Variants in GRIP1 observed in about 807,000 individuals in gnomAD.
The protein encoded by GRIP1 is glutamate receptor interacting protein 1.
In GRIP1, 45 loss-of-function variants were observed where a neutral mutation model predicts 129.9. The observed-to-expected ratio is 0.35, with a 90% CI of 0.27 to 0.44. GRIP1 has a LOEUF of 0.44. Among genes scored for constraint, GRIP1 ranks in the 20% least tolerant of loss-of-function variants. The probability of loss-of-function intolerance (pLI) is 1.00; values close to 1 mark genes in which losing one functional copy is unlikely to be tolerated. For synonymous variants in GRIP1, 530 were observed against 520.8 expected (o/e 1.02, Z -0.24); for missense variants, 1,196 against 1,396.8 (o/e 0.86, Z 2.29).
intron 1 of GRIP1, among the ~76,000 whole-genome samples, chr12:66,618,802 A>T (rs73325159): frequency 0.013 from 1,962 of 152,230 alleles, 50 homozygotes; most frequent in African/African-American, 0.045. Context: ...ATTAAAGCTT[A>T]TTGGATGGAG....
At chr12:66,617,286 GAAA>G (rs63275262) in intron 1 of GRIP1, among the ~76,000 whole-genome samples, 1,170 of 103,996 alleles carry the variant, frequency 0.011, 12 homozygotes, top group African/African-American at 0.029. Context: ...CAGCCAACAA[GAAA>G]AAAAAAAAAA....
At position 66,678,954 on chromosome 12, in the gene GRIP1, G is replaced by C. The variant is rs765138063; in HGVS notation, c.-50C>G. The C allele has an allele frequency of 3.1e-6, 5 of 1,611,942 alleles. No homozygotes were observed. Among genetic ancestry groups the C allele is most frequent in the Non-Finnish European group, 4.2e-6 (5 of 1,178,748 alleles). On this transcript the variant is annotated 5_prime_UTR_variant, in exon 1 of 25. Transcript: ENST00000359742. ...AAGTGTACTCAAGGCTCTCTGCTCT[G>C]GTGGCTGCAGCAGCAGCAGCATATG...
Position 66,406,319 on chromosome 12 carries a change from C to A in GRIP1, c.1948G>T (p.Val650Leu). 1.2e-6 allele frequency: 2 copies of A among 1,614,074 alleles called. No homozygotes were observed. The highest frequency in any genetic ancestry group is 1.7e-6 in the Non-Finnish European group (2 of 1,179,946). Residue 650 changes from valine to leucine, a missense_variant, in exon 16 of 25, where the codon GTG becomes TTG. Physicochemically the swap from Val to Leu is conservative, Grantham distance 32. Transcript: ENST00000359742. ...TCATCTTTGCGGATTTTGAGCTTCA[C>A]CAGGTCTTCACATTGCTGGAGGATC... ...VQILQQCEDLVKLKIRKDEDN... is the reference protein window; with the variant it reads ...VQILQQCEDLLKLKIRKDEDN...
Position 66,820,165 on chromosome 12 carries a change from C to T in GRIP1, c.59-223238G>A, listed in dbSNP as rs112419214. ...GTGGCTCACGCCTGTAATCCCAGCACTTTGGAAGGCCGAGGTGGGCATATC... is the reference window on the plus strand; with the variant it reads ...GTGGCTCACGCCTGTAATCCCAGCATTTTGGAAGGCCGAGGTGGGCATATC... On this transcript the variant is annotated intron_variant, in intron 1 of 1. Coordinates refer to the GRIP1 transcript ENST00000643019. Among the ~76,000 whole-genome samples, 1,261 of 152,276 alleles carry T rather than the reference C, an allele frequency of 8.3e-3. 16 individuals carry two copies. Among genetic ancestry groups the T allele is most frequent in the African/African-American group, 0.029 (1,195 of 41,554 alleles).
At chr12:66,585,944 T>G (rs950681372) in intron 2 of GRIP1, among the ~76,000 whole-genome samples, 2 of 152,234 alleles carry the variant, frequency 1.3e-5, no homozygotes, top group Non-Finnish European at 2.9e-5. Flanking sequence ...AGACTGCTTT[T>G]GCTTTTATCC....
chr12:66,404,256 C>A (rs1396299280), intron 16 of GRIP1, among the ~76,000 whole-genome samples: 1 of 152,112 alleles, frequency 6.6e-6, no homozygotes, highest in Non-Finnish European at 1.5e-5. Context: ...ATGGATGCAA[C>A]TATAGATTTT....
chr12:67,054,163 C>G (rs1184977294), intron 1 of GRIP1, among the ~76,000 whole-genome samples: 1 of 152,172 alleles, frequency 6.6e-6, no homozygotes, highest in Non-Finnish European at 1.5e-5. Flanking sequence ...GCTTAAAGCT[C>G]AAATGTAAAC....
chr12:66,804,148 C>T, exon 1 of GRIP1: 1 of 455,906 alleles, frequency 2.2e-6, no homozygotes, highest in South Asian at 1.5e-5. Context: ...TCTCCTAGAT[C>T]TTCTTATCGC....
At chr12:66,491,496 G>T (rs1205209710) in intron 7 of GRIP1, among the ~76,000 whole-genome samples, 1 of 152,162 alleles carries the variant, frequency 6.6e-6, no homozygotes, top group Non-Finnish European at 1.5e-5. Context: ...GAGAGCATCA[G>T]AAAGAATAGC....
At chr12:66,882,100 A>C (rs995230353) in intron 1 of GRIP1, among the ~76,000 whole-genome samples, 18 of 151,660 alleles carry the variant, frequency 1.2e-4, no homozygotes, top group Non-Finnish European at 2.2e-4. Flanking sequence ...GGCTTCTATC[A>C]CATGAATAGG....
intron 5 of GRIP1, among the ~76,000 whole-genome samples, chr12:66,518,941 C>T (rs2060923238): frequency 6.6e-6 from 1 of 152,072 alleles, no homozygotes; most frequent in Admixed American, 6.6e-5. Flanking sequence ...TGCCAGTTTC[C>T]TTATCTATTC....
intron 1 of GRIP1, among the ~76,000 whole-genome samples, chr12:66,891,339 G>A (rs149981979): frequency 1.1e-4 from 17 of 152,256 alleles, no homozygotes; most frequent in East Asian, 5.8e-4. Flanking sequence ...CAAGTTTTGC[G>A]TATCAAGAAC....
chr12:66,933,872 T>C (rs1156736584), intron 1 of GRIP1, among the ~76,000 whole-genome samples: 4 of 152,202 alleles, frequency 2.6e-5, no homozygotes, highest in Non-Finnish European at 5.9e-5. Flanking sequence ...ATTTACATAA[T>C]AGTACTCAGG....
chr12:66,815,756 C>G (rs1285114479), intron 1 of GRIP1, among the ~76,000 whole-genome samples: 3 of 148,542 alleles, frequency 2.0e-5, no homozygotes, highest in African/African-American at 7.3e-5. Flanking sequence ...AGAATAAGAC[C>G]CCGACTCAAA....
intron 1 of GRIP1, among the ~76,000 whole-genome samples, chr12:66,756,454 C>T (rs2037290095): frequency 6.6e-6 from 1 of 152,198 alleles, no homozygotes; most frequent in Admixed American, 6.5e-5. Context: ...CGCAGTGAAC[C>T]TGTCTCCTGA....
chr12:66,577,699 C>T (rs2063189500), intron 2 of GRIP1, among the ~76,000 whole-genome samples: 1 of 152,108 alleles, frequency 6.6e-6, no homozygotes, highest in Non-Finnish European at 1.5e-5. Context: ...CCTGTAATTC[C>T]AGTACTTTGG....
intron 4 of GRIP1, among the ~76,000 whole-genome samples, chr12:66,536,100 A>T (rs1025499777): frequency 6.6e-6 from 1 of 152,072 alleles, no homozygotes; most frequent in African/African-American, 2.4e-5. Flanking sequence ...CAACTCACAA[A>T]TCCATTAGGT....
chr12:66,640,109 C>G (rs2031789926), intron 1 of GRIP1, among the ~76,000 whole-genome samples: 1 of 152,168 alleles, frequency 6.6e-6, no homozygotes, highest in Admixed American at 6.5e-5. Flanking sequence ...TTCCAACCAG[C>G]TTTAGGTGCT....
chr12:66,823,723 C>T (rs577544235), intron 1 of GRIP1, among the ~76,000 whole-genome samples: 1 of 140,310 alleles, frequency 7.1e-6, no homozygotes, highest in South Asian at 2.5e-4. Context: ...ATTTCCCAGG[C>T]CTGAGAATCC....
Sources: gnomAD v4.1 joint callset for allele counts (sites outside exome capture counted in the v4.1 genomes callset) on GRCh38, gnomAD v4.1.1 for gene constraint, MANE v1.5 for transcripts, NCBI Gene and HGNC (gene_info 2026-07-23, HGNC 2026-07-21) for gene names.